ZNF544: variants seen among roughly 807,000 people sequenced by gnomAD.
ZNF544 encodes the protein zinc finger protein AF020591.
ZNF544 carries 10 observed loss-of-function variants against 13.5 expected under a neutral mutation model. The ratio of observed to expected loss-of-function variants is 0.74; its 90% CI spans 0.46 to 1.25. The LOEUF is 1.25. ZNF544 is among the 50% of genes most tolerant of loss of function. ZNF544 has a pLI of 0.00. For synonymous variants in ZNF544, 323 were observed against 300.5 expected, an observed-to-expected ratio of 1.07 and a Z score of -0.77; for missense variants, 896 against 845.6, an observed-to-expected ratio of 1.06 and a Z score of -0.74.
rs534965490 is a variant in ZNF544 at position 58,248,228 on chromosome 19, C to T, written c.244+1434C>T. ...CCCCTTGCCCTTGAGGCATCATTAT[C>T]ACCCAAAGTCCATAGTTTATGATAG... On this transcript the variant is annotated intron_variant, in intron 6 of 6. Transcript: ENST00000687789. Among the ~76,000 whole-genome samples the T allele has an allele frequency of 2.7e-5, 4 of 149,888 alleles. No individual in the cohort carries two copies. The South Asian group carries it at 6.4e-4, about 24-fold the overall frequency.
chr19:58,262,475 G>A lies in ZNF544; in HGVS notation c.1869G>A (p.Leu623=). ...GAAGCACTCAGCTCATCAGGCATCT[G>A]CAAATTCACACTGGGGAGAAGCCGT... The part of the protein sequence containing the change: ...FNRSTQLIRH[L]QIHTGEKPYK... The change falls in exon 7 of 7, where the codon CTG becomes CTA. Residue 623 remains leucine (L), a synonymous_variant. Coordinates refer to ENST00000687789, the MANE Select transcript of ZNF544 (RefSeq NM_014480.4). 6.2e-7 allele frequency: 1 copy of A among 1,614,166 alleles called. No individual in the cohort carries two copies. Among genetic ancestry groups the A allele is most frequent in the Non-Finnish European group, 8.5e-7 (1 of 1,180,028 alleles).
At chr19:58,229,697 G>C (rs889669995) in intron 2 of ZNF544, 127 bp downstream of exon 2, 1 of 152,386 alleles carries the variant, frequency 6.6e-6, no homozygotes, top group Admixed American at 6.5e-5. Context: ...CGATGCTGGT[G>C]CACCCCATAG....
At chr19:58,247,007 C>A (rs913881568) in intron 6 of ZNF544, among the ~76,000 whole-genome samples, 6 of 152,212 alleles carry the variant, frequency 3.9e-5, no homozygotes, top group African/African-American at 1.4e-4. Context: ...ACCCTCACCA[C>A]AATCAGTTCT....
rs181545260 is a variant in ZNF544, at chr19:58,269,360, G to A, written c.245-6963G>A. 2.4e-3 allele frequency among the ~76,000 whole-genome samples: 358 copies of A among 151,876 alleles called. 3 individuals carry two copies. The highest frequency in any genetic ancestry group is 3.5e-3 in the Admixed American group (54 of 15,232). On this transcript the variant is annotated intron_variant, in intron 5 of 6. Coordinates refer to the ZNF544 transcript ENST00000595981. ...TGAGGCAGGAGAATCGCTTGAACTC[G>A]AGAGGTAGAGGTTGCAGTGAGCTAA...
intron 6 of ZNF544, among the ~76,000 whole-genome samples, chr19:58,252,315 A>C (rs1345852108): frequency 6.6e-6 from 1 of 152,150 alleles, no homozygotes; most frequent in Non-Finnish European, 1.5e-5. Context: ...CACGACTTAC[A>C]CAGACCTTCT....
At chr19:58,275,432 G>A (rs2051137252) in intron 5 of ZNF544, among the ~76,000 whole-genome samples, 2 of 151,802 alleles carry the variant, frequency 1.3e-5, no homozygotes, top group African/African-American at 2.4e-5. Flanking sequence ...TCTCAGGAAC[G>A]CCCAGGGCTC....
In ZNF544 at chr19:58,262,476, C is replaced by T. The variant is rs3745136; in HGVS notation, c.1870C>T (p.Gln624Ter). Residue 624 changes from glutamine (Q) to a stop codon, truncating the protein, a stop_gained, in exon 7 of 7, where the codon CAA becomes TAA. Transcript: ENST00000687789. LOFTEE classifies it low-confidence loss of function (END_TRUNC). The stretch of plus-strand genomic sequence containing the variant: ...AAGCACTCAGCTCATCAGGCATCTG[C>T]AAATTCACACTGGGGAGAAGCCGTA... ...NRSTQLIRHL[Q>*]IHTGEKPYKC... 41 of 1,614,144 alleles carry T rather than the reference C, an allele frequency of 2.5e-5. No individual in the cohort carries two copies. The East Asian group carries it at 8.9e-4, about 35-fold the overall frequency.
intron 3 of ZNF544, among the ~76,000 whole-genome samples, chr19:58,241,366 C>T (rs1336539179): frequency 6.6e-6 from 1 of 150,714 alleles, no homozygotes; most frequent in Non-Finnish European, 1.5e-5. Flanking sequence ...TGTGTACATA[C>T]ACCAACTCTG....
chr19:58,256,816 A>C (rs1408415751), intron 6 of ZNF544, among the ~76,000 whole-genome samples: 1 of 152,194 alleles, frequency 6.6e-6, no homozygotes, highest in Non-Finnish European at 1.5e-5. Flanking sequence ...TAAGGGGTCA[A>C]TTGGAGTTTG....
intron 5 of ZNF544, chr19:58,276,207 C>A: frequency 2.2e-6 from 1 of 451,056 alleles, no homozygotes; most frequent in Non-Finnish European, 3.6e-6. Context: ...AAAAAGAACA[C>A]ACAGGTTTCC....
At chr19:58,257,167 C>G (rs1215874687) in intron 6 of ZNF544, 1 of 152,142 alleles carries the variant, frequency 6.6e-6, no homozygotes, top group Non-Finnish European at 1.5e-5. Flanking sequence ...GTGATCCACC[C>G]GCCTCGGCCT....
At chr19:58,236,483 CAA>C (rs1050922717) in intron 3 of ZNF544, among the ~76,000 whole-genome samples, 4 of 128,928 alleles carry the variant, frequency 3.1e-5, no homozygotes, top group African/African-American at 8.8e-5. Flanking sequence ...GCCTGGGCAA[CAA>C]GAGTGAAACT....
At chr19:58,239,507 G>A (rs1024402105) in intron 3 of ZNF544, among the ~76,000 whole-genome samples, 3 of 152,190 alleles carry the variant, frequency 2.0e-5, no homozygotes, top group South Asian at 2.1e-4. Flanking sequence ...CACTGTGTGC[G>A]GGTCCTTGAG....
chr19:58,254,871 T>C (rs967125658), intron 6 of ZNF544, among the ~76,000 whole-genome samples: 2 of 151,754 alleles, frequency 1.3e-5, no homozygotes, highest in African/African-American at 4.8e-5. Context: ...TTTCTTTTTT[T>C]TTTTTTTTTC....
At chr19:58,265,656 C>T (rs568547618), downstream of ZNF544, among the ~76,000 whole-genome samples, 11 of 151,954 alleles carry the variant, frequency 7.2e-5, no homozygotes, top group South Asian at 4.1e-4. Flanking sequence ...AGTGCAGTGG[C>T]GCAGTCATGG....
chr19:58,266,884 G>GC (rs1167328257), downstream of ZNF544: 1 of 152,140 alleles, frequency 6.6e-6, no homozygotes, highest in Non-Finnish European at 1.5e-5. Flanking sequence ...GCTGGTTCTC[G>GC]CCCTCTTCAC....
At chr19:58,257,090 T>A (rs2047622267) in intron 6 of ZNF544, among the ~76,000 whole-genome samples, 1 of 151,948 alleles carries the variant, frequency 6.6e-6, no homozygotes, top group African/African-American at 2.4e-5. Flanking sequence ...CCCGTCTAAT[T>A]TTTTGTATTT....
intron 6 of ZNF544, 130 bp downstream of exon 6, chr19:58,246,924 T>C: frequency 1.4e-6 from 1 of 736,716 alleles, no homozygotes; most frequent in Non-Finnish European, 2.2e-6. Flanking sequence ...TTTGCAGCAG[T>C]TCACCCATTC....
intron 3 of ZNF544, among the ~76,000 whole-genome samples, chr19:58,236,744 C>CTTT (rs112780440): frequency 7.1e-6 from 1 of 139,866 alleles, no homozygotes; most frequent in African/African-American, 2.6e-5. Flanking sequence ...TTCTGTGAAA[C>CTTT]TTTTTTTTTT....
Sources: allele counts gnomAD v4.1 joint callset (sites outside exome capture counted in the v4.1 genomes callset), GRCh38; gene constraint gnomAD v4.1.1; transcripts MANE v1.5; gene names NCBI Gene and HGNC (gene_info 2026-07-23, HGNC 2026-07-21).